GRHL2: variants seen among roughly 807,000 people sequenced by gnomAD.
The protein encoded by GRHL2 is grainyhead-like protein 2 homolog.
Under a neutral mutation model 83.8 loss-of-function variants are expected in GRHL2, and 21 were observed. The ratio of observed to expected loss-of-function variants is 0.25; its 90% CI spans 0.18 to 0.36. GRHL2 has a LOEUF of 0.36. Ranked by LOEUF, GRHL2 falls within the 10% of genes least tolerant of loss-of-function variation. The pLI is 1.00. For missense variants in GRHL2, 623 were observed against 781.8 expected, an observed-to-expected ratio of 0.80 and a Z score of 2.42; for synonymous variants, 280 against 278.9, an observed-to-expected ratio of 1.00 and a Z score of -0.04.
chr8:101,620,801 G>C (rs1021328891), intron 9 of GRHL2, among the ~76,000 whole-genome samples: 6 of 152,140 alleles, frequency 3.9e-5, no homozygotes, highest in Non-Finnish European at 1.5e-5. Flanking sequence ...CGGGTGGGAG[G>C]GTACAGATCT....
intron 14 of GRHL2, among the ~76,000 whole-genome samples, chr8:101,655,113 C>T (rs905635691): frequency 1.3e-5 from 2 of 151,374 alleles, no homozygotes; most frequent in African/African-American, 4.9e-5. Context: ...ACCTGGGAGG[C>T]GGAGGTTGCG....
rs564659850 is a variant in GRHL2 at position 101,538,436 on chromosome 8, GA to G, written c.21-4794del. On this transcript the variant is annotated intron_variant, in intron 1 of 15. Coordinates refer to ENST00000646743, the MANE Select transcript of GRHL2 (RefSeq NM_024915.4). Reference sequence around the variant, plus strand: ...GTCATGGATTAAAGAAAACGAACAAGAAAAAAAAAAAGTTGTCTGTGTGACA... The same window carrying G: ...GTCATGGATTAAAGAAAACGAACAAGAAAAAAAAAAGTTGTCTGTGTGACA... 8.0e-3 allele frequency among the ~76,000 whole-genome samples: 1,180 copies of G among 146,584 alleles called. 9 individuals are homozygous for G. The highest frequency in any genetic ancestry group is 9.2e-3 in the African/African-American group (369 of 40,196).
At chr8:101,637,532 G>A (rs1048222338) in intron 12 of GRHL2, among the ~76,000 whole-genome samples, 3 of 152,206 alleles carry the variant, frequency 2.0e-5, no homozygotes, top group Non-Finnish European at 4.4e-5. Flanking sequence ...GGAGCAGCCA[G>A]ATCTTCAAAG....
At chr8:101,594,283 A>G (rs1215637001) in intron 7 of GRHL2, among the ~76,000 whole-genome samples, 1 of 152,128 alleles carries the variant, frequency 6.6e-6, no homozygotes, top group Non-Finnish European at 1.5e-5. Context: ...GTTTATGGTA[A>G]TTAGTTATGA....
chr8:101,534,565 C>A (rs191543927), intron 1 of GRHL2, among the ~76,000 whole-genome samples: 3 of 151,766 alleles, frequency 2.0e-5, no homozygotes, highest in Non-Finnish European at 4.4e-5. Flanking sequence ...AGAGGACTCA[C>A]GAGGGTGTGA....
At chr8:101,676,926 C>G in the GRHL2 span, among the ~76,000 whole-genome samples, 3 of 151,962 alleles carry the variant, frequency 2.0e-5, no homozygotes, top group Admixed American at 2.0e-4. Flanking sequence ...ATGGATGAAA[C>G]TGGAAACCAT....
intron 7 of GRHL2, among the ~76,000 whole-genome samples, 161 bp from the exon 8 acceptor site, chr8:101,598,896 A>G (rs1407319593): frequency 6.6e-6 from 1 of 152,178 alleles, no homozygotes; most frequent in African/African-American, 2.4e-5. Flanking sequence ...AGTAAGTATT[A>G]GTAAAAGAAC....
intron 7 of GRHL2, among the ~76,000 whole-genome samples, chr8:101,588,698 G>A (rs914270426): frequency 6.6e-6 from 1 of 152,162 alleles, no homozygotes; most frequent in Non-Finnish European, 1.5e-5. Context: ...TCTTTCTTCT[G>A]CACTGCCAAT....
At chr8:101,571,506 A>AG (rs1811821859) in intron 5 of GRHL2, among the ~76,000 whole-genome samples, 1 of 150,714 alleles carries the variant, frequency 6.6e-6, no homozygotes, top group African/African-American at 2.4e-5. Context: ...AAAAAAAAAA[A>AG]GAGTGAGAGA....
chr8:101,658,884 A>G (rs1345860511), intron 14 of GRHL2, among the ~76,000 whole-genome samples: 1 of 152,248 alleles, frequency 6.6e-6, no homozygotes, highest in African/African-American at 2.4e-5. Context: ...AATGTAATCT[A>G]TAGGACTTCC....
At chr8:101,578,135 C>T (rs1439999769) in intron 7 of GRHL2, among the ~76,000 whole-genome samples, 1 of 152,180 alleles carries the variant, frequency 6.6e-6, no homozygotes, top group Non-Finnish European at 1.5e-5. Context: ...GAAGGCAACA[C>T]TCATGCCCAA....
intron 7 of GRHL2, among the ~76,000 whole-genome samples, chr8:101,579,605 A>C (rs1477649755): frequency 7.9e-5 from 12 of 152,202 alleles, no homozygotes; most frequent in African/African-American, 2.7e-4. Flanking sequence ...TCTCTACCCC[A>C]ATCTCAACCT....
chr8:101,638,063 C>T (rs555030795), intron 12 of GRHL2, among the ~76,000 whole-genome samples: 22 of 152,316 alleles, frequency 1.4e-4, no homozygotes, highest in African/African-American at 5.3e-4. Context: ...CTATTTTATA[C>T]TCAAAGCAAT....
At chr8:101,510,778 C>T (rs1810445043) in intron 1 of GRHL2, among the ~76,000 whole-genome samples, 1 of 152,106 alleles carries the variant, frequency 6.6e-6, no homozygotes, top group Admixed American at 6.6e-5. Flanking sequence ...TATAAGTGCG[C>T]ATGCATTTGA....
At chr8:101,623,006 T>C (rs539247399) in intron 9 of GRHL2, among the ~76,000 whole-genome samples, 1 of 152,350 alleles carries the variant, frequency 6.6e-6, no homozygotes, top group African/African-American at 2.4e-5. Context: ...TCACTGCAAA[T>C]GCTGTTAATT....
intron 1 of GRHL2, among the ~76,000 whole-genome samples, chr8:101,541,371 A>T (rs1414278849): frequency 6.6e-6 from 1 of 152,006 alleles, no homozygotes; most frequent in Non-Finnish European, 1.5e-5. Context: ...TGGTAGATCT[A>T]CTTTTGGTTC....
chr8:101,550,232 A>G lies in GRHL2; in HGVS notation c.217-2483A>G, dbSNP rs1490196057. Among the ~76,000 whole-genome samples, 3 of 151,004 alleles carry G rather than the reference A, an allele frequency of 2.0e-5. No individual in the cohort carries two copies. In the East Asian group the frequency reaches 5.8e-4, roughly 29 times the overall value. ...CAACTTTTGTTTTAGATTTGGGGAT[A>G]TGTGTGCAGGCTTGTTACATGGATA... On this transcript the variant is annotated intron_variant, in intron 2 of 15. Coordinates refer to ENST00000646743, the MANE Select transcript of GRHL2 (RefSeq NM_024915.4).
At chr8:101,608,135 T>C (rs1343079755) in intron 8 of GRHL2, among the ~76,000 whole-genome samples, 1 of 152,248 alleles carries the variant, frequency 6.6e-6, no homozygotes, top group African/African-American at 2.4e-5. Flanking sequence ...GCAATCTATA[T>C]GCATTATGCA....
chr8:101,666,576 C>G lies in GRHL2; in HGVS notation c.1764-13C>G, dbSNP rs758361919. 1.2e-5 allele frequency: 18 copies of G among 1,518,650 alleles called. No individual in the cohort carries two copies. Among genetic ancestry groups the G allele is most frequent in the Non-Finnish European group, 1.5e-5 (16 of 1,093,120 alleles). The allele number at this position is 1,518,650 out of a possible 1,614,324, so 94.1% of individuals were successfully genotyped here. A position where few individuals can be genotyped will look rare whatever the true frequency, so the allele number is the denominator to read the frequency against. On this transcript the variant is annotated splice_polypyrimidine_tract_variant and intron_variant, in intron 15 of 15. Transcript: ENST00000646743. ...CGTCTTTGTTTTTCACACCCCTCCCCCCTCCATGGCAGCATCTTGGTGAAC... is the reference window on the plus strand; with the variant it reads ...CGTCTTTGTTTTTCACACCCCTCCCGCCTCCATGGCAGCATCTTGGTGAAC...
Sources: allele counts gnomAD v4.1 joint callset (sites outside exome capture counted in the v4.1 genomes callset), GRCh38; gene constraint gnomAD v4.1.1; transcripts MANE v1.5; gene names NCBI Gene and HGNC (gene_info 2026-07-23, HGNC 2026-07-21).